PLCH1: variants seen among roughly 807,000 people sequenced by gnomAD.
The protein encoded by PLCH1 is 1-phosphatidylinositol 4,5-bisphosphate phosphodiesterase eta-1.
A neutral mutation model predicts 126.7 loss-of-function variants in PLCH1; 60 were observed. The observed-to-expected ratio is 0.47, with a 90% CI of 0.38 to 0.59. The LOEUF is 0.59. Among genes scored for constraint, PLCH1 ranks in the 20% least tolerant of loss-of-function variants. The pLI is 0.00. For missense variants in PLCH1, 1,723 were observed against 2,040.0 expected, an observed-to-expected ratio of 0.84 and a Z score of 2.99; for synonymous variants, 719 against 734.9, an observed-to-expected ratio of 0.98 and a Z score of 0.35.
At chr3:155,681,365 A>T (rs1744519172) in intron 2 of PLCH1, among the ~76,000 whole-genome samples, 1 of 152,178 alleles carries the variant, frequency 6.6e-6, no homozygotes, top group Non-Finnish European at 1.5e-5. Flanking sequence ...TAATCCTTAC[A>T]ATGCCCTTTT....
chr3:155,590,252 G>GT (rs2108625712), intron 4 of PLCH1, among the ~76,000 whole-genome samples: 1 of 152,118 alleles, frequency 6.6e-6, no homozygotes, highest in Non-Finnish European at 1.5e-5. Flanking sequence ...GTAGTTACAT[G>GT]TTTATCAAAT....
chr3:155,560,790 A>T (rs1031742319), intron 8 of PLCH1, among the ~76,000 whole-genome samples: 1 of 152,046 alleles, frequency 6.6e-6, no homozygotes, highest in Non-Finnish European at 1.5e-5. Context: ...TCCCCACCAA[A>T]ATCAAAAGAC....
intron 4 of PLCH1, among the ~76,000 whole-genome samples, chr3:155,592,495 C>CATCTCCA (rs1553849401): frequency 0.057 from 7,769 of 135,688 alleles, 752 homozygotes; most frequent in African/African-American, 0.21. Context: ...ACTCCATCTC[C>CATCTCCA]AAAAAAAAAA....
chr3:155,599,403 AAAGAG>A (rs1319624344), intron 2 of PLCH1, among the ~76,000 whole-genome samples: 2 of 152,152 alleles, frequency 1.3e-5, no homozygotes, highest in African/African-American at 4.8e-5. Context: ...GATCAGAAGA[AAAGAG>A]AAAAGATGAG....
chr3:155,719,515 T>A (rs1747784571), intron 1 of PLCH1, among the ~76,000 whole-genome samples: 1 of 151,604 alleles, frequency 6.6e-6, no homozygotes, highest in African/African-American at 2.4e-5. Context: ...TAAAGTATAA[T>A]AAAAAAATTA....
At chr3:155,523,237 A>C (rs1560107702) in intron 11 of PLCH1, among the ~76,000 whole-genome samples, 2 of 152,052 alleles carry the variant, frequency 1.3e-5, no homozygotes, top group South Asian at 2.1e-4. Context: ...CGGCCTCCCA[A>C]AGTGCTGGGA....
At chr3:155,739,122 C>T (rs948240020) in intron 1 of PLCH1, among the ~76,000 whole-genome samples, 2 of 152,160 alleles carry the variant, frequency 1.3e-5, no homozygotes, top group African/African-American at 4.8e-5. Context: ...CCCAGTACCA[C>T]AGCAGTTTTA....
At chr3:155,537,227 A>AAAAAAC (rs1723549015) in intron 10 of PLCH1, among the ~76,000 whole-genome samples, 1 of 10,438 alleles carries the variant, frequency 9.6e-5, no homozygotes, top group African/African-American at 1.5e-4. Flanking sequence ...AAAAAAAAAA[A>AAAAAAC]AAAAAACCTA....
At chr3:155,647,198 A>T (rs1740159049) in intron 2 of PLCH1, among the ~76,000 whole-genome samples, 1 of 152,126 alleles carries the variant, frequency 6.6e-6, no homozygotes, top group Non-Finnish European at 1.5e-5. Flanking sequence ...CTGAGGATAC[A>T]AAAGCATAGC....
chr3:155,585,491 C>T (rs184943808), intron 5 of PLCH1, among the ~76,000 whole-genome samples: 87 of 152,284 alleles, frequency 5.7e-4, no homozygotes, highest in African/African-American at 2.0e-3. Context: ...GGATTAAATG[C>T]AGTCCTAGCT....
Position 155,488,713 on chromosome 3 carries a change from A to G in PLCH1, c.2486T>C (p.Ile829Thr). 1 of 1,613,936 alleles carries G rather than the reference A, an allele frequency of 6.2e-7. No individual in the cohort carries two copies. The highest frequency in any genetic ancestry group is 8.5e-7 in the Non-Finnish European group (1 of 1,179,806). The stretch of plus-strand genomic sequence containing the variant: ...TCTTTGTCCAACAAAGTCTCGTCCA[A>G]TGGGATCGTGATCCCACACAAGGAA... The part of the protein sequence containing the change: ...VRFLVWDHDP[I>T]GRDFVGQRTV... The change falls in exon 20 of 23, where the codon ATT becomes ACT. Residue 829 changes from isoleucine (I) to threonine (T), a missense_variant. Around this residue, in one of 2 missense-constraint regions of PLCH1, gnomAD observed 776 missense variants for 1,062.9 expected, o/e 0.73. Coordinates refer to ENST00000460012, the MANE Select transcript of PLCH1 (RefSeq NM_014996.4).
chr3:155,723,966 A>T (rs575068937), intron 1 of PLCH1, among the ~76,000 whole-genome samples: 106 of 151,780 alleles, frequency 7.0e-4, no homozygotes, highest in African/African-American at 2.4e-3. Flanking sequence ...AAAAAAAAAA[A>T]AAAAAAAAAT....
Position 155,583,502 on chromosome 3 carries a change from T to A in PLCH1, c.741A>T (p.Glu247Asp). The change falls in exon 6 of 23, where the codon GAA becomes GAT. Residue 247 changes from glutamate (E) to aspartate (D), a missense_variant. Physicochemically the swap from Glu to Asp is conservative, Grantham distance 45 (BLOSUM62 2). Transcript: ENST00000460012. ...SDKKDHLTVEELAQFLKVEQK... is the reference protein window; with the variant it reads ...SDKKDHLTVEDLAQFLKVEQK... ...GCTCCACCTTCAAAAACTGAGCCAG[T>A]TCTTCCACAGTTAGGTGATCTTTCT... The A allele has an allele frequency of 6.2e-7, 1 of 1,606,772 alleles. No homozygotes were observed. Among genetic ancestry groups the A allele is most frequent in the Non-Finnish European group, 8.5e-7 (1 of 1,177,800 alleles).
intron 20 of PLCH1, among the ~76,000 whole-genome samples, chr3:155,488,432 G>A (rs1220513927): frequency 1.3e-5 from 2 of 152,056 alleles, no homozygotes; most frequent in East Asian, 1.9e-4. Context: ...CCTGACCTTA[G>A]GTGATCCTCC....
intron 21 of PLCH1, among the ~76,000 whole-genome samples, chr3:155,456,380 A>G (rs1712441214): frequency 6.6e-6 from 1 of 152,158 alleles, no homozygotes; most frequent in Admixed American, 6.5e-5. Flanking sequence ...AAAGTTTACA[A>G]ATTTGTGTTG....
intron 1 of PLCH1, among the ~76,000 whole-genome samples, chr3:155,741,684 C>CTTTTATTTTTTTTTT: frequency 0.011 from 1,132 of 102,794 alleles, 43 homozygotes; most frequent in African/African-American, 0.048. Context: ...TTTATATCCT[C>CTTTTATTTTTTTTTT]TTTTTTTTTT....
At chr3:155,469,544 C>T (rs1164064804) in intron 21 of PLCH1, among the ~76,000 whole-genome samples, 2 of 152,240 alleles carry the variant, frequency 1.3e-5, no homozygotes, top group Non-Finnish European at 1.5e-5. Context: ...AACAAAGCAG[C>T]CAGGAAGCTC....
chr3:155,576,574 T>C (rs78906837), intron 6 of PLCH1, among the ~76,000 whole-genome samples: 1,887 of 152,310 alleles, frequency 0.012, 14 homozygotes, highest in Non-Finnish European at 0.02. Flanking sequence ...ACAGCATATG[T>C]GGCCAGCAGT....
chr3:155,528,852 C>T (rs1184389957), intron 10 of PLCH1, among the ~76,000 whole-genome samples: 2 of 152,136 alleles, frequency 1.3e-5, no homozygotes, highest in Admixed American at 6.5e-5. Context: ...AGCTGCCTCT[C>T]AGAGTATTCA....
Sources: gnomAD v4.1 joint callset for allele counts (sites outside exome capture counted in the v4.1 genomes callset) on GRCh38, gnomAD v4.1.1 for gene constraint, gnomAD v4.1.1 regional missense constraint, MANE v1.5 for transcripts, NCBI Gene and HGNC (gene_info 2026-07-23, HGNC 2026-07-21) for gene names.